NAT1: variants seen among roughly 807,000 people sequenced by gnomAD.
NAT1 encodes the protein N-acetyltransferase 1, also known as arylamine N-acetyltransferase 1.
For missense variants in NAT1, 400 were observed against 339.2 expected (o/e 1.18, Z -1.41); for synonymous variants, 144 against 122.6 (o/e 1.17, Z -1.16).
intron 2 of NAT1, among the ~76,000 whole-genome samples, chr8:18,204,613 T>A (rs941187193): frequency 1.3e-5 from 2 of 152,194 alleles, no homozygotes; most frequent in African/African-American, 4.8e-5. Flanking sequence ...TGAGGAAACA[T>A]CTTTCTAAAA....
At chr8:18,215,080 G>A (rs1485857150) in intron 1 of NAT1, among the ~76,000 whole-genome samples, 1 of 151,990 alleles carries the variant, frequency 6.6e-6, no homozygotes, top group Admixed American at 6.6e-5. Flanking sequence ...TCTTTATCCA[G>A]TCTGTCACTG....
intron 2 of NAT1, among the ~76,000 whole-genome samples, chr8:18,197,475 G>C (rs923063740): frequency 6.6e-6 from 1 of 152,144 alleles, no homozygotes; most frequent in Admixed American, 6.6e-5. Flanking sequence ...TTACCACTAG[G>C]TAGTGCTATT....
chr8:18,208,985 G>A (rs1198307482), upstream of NAT1, among the ~76,000 whole-genome samples: 2 of 152,230 alleles, frequency 1.3e-5, no homozygotes, highest in Non-Finnish European at 2.9e-5. Flanking sequence ...GCGGGACAGT[G>A]AGACCAGGGC....
intron 2 of NAT1, among the ~76,000 whole-genome samples, chr8:18,172,469 G>C (rs576443055): frequency 1.3e-5 from 2 of 152,158 alleles, no homozygotes; most frequent in East Asian, 3.9e-4. Flanking sequence ...TGTCCTTGCC[G>C]CCAGGCTTGT....
intron 2 of NAT1, among the ~76,000 whole-genome samples, chr8:18,185,456 G>A (rs1802695562): frequency 6.6e-6 from 1 of 152,062 alleles, no homozygotes; most frequent in South Asian, 2.1e-4. Flanking sequence ...ATAATGTGGT[G>A]TAATTTTGTT....
chr8:18,172,227 A>C (rs1429690827), intron 2 of NAT1, among the ~76,000 whole-genome samples: 5 of 152,194 alleles, frequency 3.3e-5, no homozygotes, highest in Non-Finnish European at 5.9e-5. Context: ...GAAGAAGAGA[A>C]TAGCAGGCAG....
At chr8:18,182,214 G>T (rs1277552663) in intron 2 of NAT1, among the ~76,000 whole-genome samples, 1 of 152,132 alleles carries the variant, frequency 6.6e-6, no homozygotes, top group African/African-American at 2.4e-5. Context: ...AAGGATAGTT[G>T]TTCCATTTGA....
At chr8:18,186,718 T>G (rs1589063481) in intron 2 of NAT1, among the ~76,000 whole-genome samples, 1 of 152,180 alleles carries the variant, frequency 6.6e-6, no homozygotes, top group Non-Finnish European at 1.5e-5. Flanking sequence ...CTTATCATCC[T>G]TCCAGTGATT....
chr8:18,194,376 G>A (rs1056213373), intron 2 of NAT1, among the ~76,000 whole-genome samples: 8 of 152,106 alleles, frequency 5.3e-5, no homozygotes, highest in Non-Finnish European at 1.0e-4. Context: ...ATGACAATTA[G>A]GATTTCTCAG....
chr8:18,222,614 C>T lies in NAT1; in HGVS notation c.567C>T (p.Ile189=). The T allele has an allele frequency of 6.2e-7, 1 of 1,613,124 alleles. No individual in the cohort carries two copies. Among genetic ancestry groups the T allele is most frequent in the Non-Finnish European group, 8.5e-7 (1 of 1,179,592 alleles). Residue 189 remains isoleucine (I), a synonymous_variant, in exon 3 of 3, where the codon ATC becomes ATT. Coordinates refer to ENST00000307719, the MANE Select transcript of NAT1 (RefSeq NM_000662.8). Reference sequence around the variant, plus strand: ...TAGAAGACAGCAAATACCGAAAAATCTACTCCTTTACTCTTAAGCCTCGAA... The same window carrying T: ...TAGAAGACAGCAAATACCGAAAAATTTACTCCTTTACTCTTAAGCCTCGAA... ...DLLEDSKYRK[I]YSFTLKPRTI... is the part of the protein sequence containing the mutation.
At chr8:18,185,333 T>C (rs944167206) in intron 2 of NAT1, among the ~76,000 whole-genome samples, 2 of 152,198 alleles carry the variant, frequency 1.3e-5, no homozygotes, top group African/African-American at 2.4e-5. Context: ...CCTTTAATAG[T>C]TTCAGGATTA....
At chr8:18,212,279 A>G (rs1374937680) in intron 1 of NAT1, 3 of 152,192 alleles carry the variant, frequency 2.0e-5, no homozygotes, top group Admixed American at 2.0e-4. Context: ...TGATCCTTCA[A>G]CTAAACAATA....
chr8:18,184,121 G>T (rs146946967), intron 2 of NAT1, among the ~76,000 whole-genome samples: 4 of 152,156 alleles, frequency 2.6e-5, no homozygotes, highest in Admixed American at 2.6e-4. Context: ...CCACCCCTGT[G>T]ACAAGTCTCT....
intron 1 of NAT1, chr8:18,216,734 A>T (rs28359501): frequency 0.11 from 61,003 of 563,530 alleles, 3,812 homozygotes; most frequent in African/African-American, 0.19. Context: ...TATTGGGAGA[A>T]GATAAAAGCA....
In NAT1 at chr8:18,170,889, C is replaced by G. The variant is rs1465660639; in HGVS notation, n.92+150C>G. On this transcript the variant is annotated intron_variant and non_coding_transcript_variant, in intron 2 of 4. Coordinates refer to the NAT1 transcript ENST00000517441. Reference sequence around the variant, plus strand: ...CAGCGACCTTTGTTCCTTTTTCTCTCTCTCCTTTTTTTTTTCTTTCTTTTT... The same window carrying G: ...CAGCGACCTTTGTTCCTTTTTCTCTGTCTCCTTTTTTTTTTCTTTCTTTTT... 3 of 122,324 alleles carry G rather than the reference C, an allele frequency of 2.5e-5. No homozygotes were observed. The East Asian group carries it at 7.9e-4, about 32-fold the overall frequency. The allele number at this position is 122,324 out of a possible 1,614,324, so 7.6% of individuals were successfully genotyped here.
intron 2 of NAT1, among the ~76,000 whole-genome samples, chr8:18,189,522 T>C (rs888311397): frequency 6.6e-6 from 1 of 152,300 alleles, no homozygotes; most frequent in Admixed American, 6.5e-5. Flanking sequence ...TCACTACTAG[T>C]AGGAATATAC....
At chr8:18,198,489 G>A (rs112959642) in intron 2 of NAT1, among the ~76,000 whole-genome samples, 144 of 152,260 alleles carry the variant, frequency 9.5e-4, no homozygotes, top group Middle Eastern at 3.4e-3. Context: ...TCTCAGTAGT[G>A]TTGAGGTTAA....
rs556152797 is a variant in NAT1, at chr8:18,221,889, G to A, written c.-6-153G>A. On this transcript the variant is annotated intron_variant, in intron 2 of 2. Coordinates refer to ENST00000307719, the MANE Select transcript of NAT1 (RefSeq NM_000662.8). ...GGGACTATTAACTGAACTTATGTGT[G>A]TAAAAGGAATTCATACAATGAAAGC... is the stretch of plus-strand genomic sequence containing the variant. 5.1e-6 allele frequency: 4 copies of A among 786,238 alleles called. No individual in the cohort carries two copies. In the South Asian group the frequency reaches 6.3e-5, roughly 12 times the overall value. 48.7% of individuals were successfully genotyped at this position (786,238 alleles called of 1,614,324 possible). A position where few individuals can be genotyped will look rare whatever the true frequency, so the allele number is the denominator to read the frequency against.
At chr8:18,189,600 T>C (rs559294823) in intron 2 of NAT1, among the ~76,000 whole-genome samples, 1 of 152,230 alleles carries the variant, frequency 6.6e-6, no homozygotes, top group Non-Finnish European at 1.5e-5. Context: ...ATTTGAAAAG[T>C]TGATCAGTTT....
Sources: allele counts gnomAD v4.1 joint callset (sites outside exome capture counted in the v4.1 genomes callset), GRCh38; gene constraint gnomAD v4.1.1; transcripts MANE v1.5; gene names NCBI Gene and HGNC (gene_info 2026-07-23, HGNC 2026-07-21).